ZNF704: variants seen among roughly 807,000 people sequenced by gnomAD.
The protein encoded by ZNF704 is glucocorticoid induced gene 1.
In ZNF704, 10 loss-of-function variants were observed where a neutral mutation model predicts 44.7. The ratio of observed to expected loss-of-function variants is 0.22; its 90% CI spans 0.14 to 0.38. ZNF704 has a LOEUF of 0.38. Ranked by LOEUF, ZNF704 falls within the 10% of genes least tolerant of loss-of-function variation. ZNF704 has a pLI of 1.00. For missense variants in ZNF704, 390 were observed against 545.5 expected, an observed-to-expected ratio of 0.71 and a Z score of 2.84; for synonymous variants, 211 against 207.6, an observed-to-expected ratio of 1.02 and a Z score of -0.14.
rs574875227 is a variant in ZNF704, at chr8:80,860,141, CTG to C, written c.-22+14428_-22+14429del. Among the ~76,000 whole-genome samples, 260 of 152,308 alleles carry C rather than the reference CTG, an allele frequency of 1.7e-3. 1 individual carries two copies. The highest frequency in any genetic ancestry group is 6.0e-3 in the African/African-American group (250 of 41,548). On this transcript the variant is annotated intron_variant, in intron 1 of 8. Transcript: ENST00000327835. The stretch of plus-strand genomic sequence containing the variant: ...CTTAACCTTTCAAACCTCTGTACTT[CTG>C]TGTGGCTTTCAGATAAAACTGTAAA...
chr8:80,853,278 G>C (rs1808901105), intron 1 of ZNF704, among the ~76,000 whole-genome samples: 1 of 152,168 alleles, frequency 6.6e-6, no homozygotes, highest in South Asian at 2.1e-4. Context: ...GGTGGTGGGA[G>C]GGCCGCTTGG....
intron 2 of ZNF704, among the ~76,000 whole-genome samples, chr8:80,780,170 A>G (rs981186599): frequency 1.3e-5 from 2 of 152,212 alleles, no homozygotes; most frequent in Admixed American, 1.3e-4. Context: ...CAAGTGGCAC[A>G]GTGTGGCTGG....
rs754952425 is a variant in ZNF704 at position 80,821,618 on chromosome 8, G to A, written c.-21-3C>T. On this transcript the variant is annotated splice_polypyrimidine_tract_variant and splice_region_variant and intron_variant, in intron 1 of 8. Transcript: ENST00000327835. The stretch of plus-strand genomic sequence containing the variant: ...ATTTCCCGCTTAATGCTCCCCACCT[G>A]TGAAATGAAACACAGAAATTCTTAC... The A allele has an allele frequency of 2.5e-6, 4 of 1,606,624 alleles. No homozygotes were observed. In the South Asian group the frequency reaches 4.4e-5, roughly 18 times the overall value.
intron 2 of ZNF704, among the ~76,000 whole-genome samples, chr8:80,765,469 C>T (rs1037446983): frequency 6.6e-6 from 1 of 152,172 alleles, no homozygotes; most frequent in Non-Finnish European, 1.5e-5. Flanking sequence ...CAACTTGGCA[C>T]CCAAACCCAC....
chr8:80,785,442 C>T (rs1807597721), intron 2 of ZNF704, among the ~76,000 whole-genome samples: 1 of 152,138 alleles, frequency 6.6e-6, no homozygotes, highest in Non-Finnish European at 1.5e-5. Context: ...GGGTTATGTT[C>T]TACTTCCTTG....
intron 2 of ZNF704, among the ~76,000 whole-genome samples, chr8:80,760,262 TCA>T (rs1807105526): frequency 6.6e-6 from 1 of 152,316 alleles, no homozygotes; most frequent in Admixed American, 6.5e-5. Flanking sequence ...TCTCCAAAAT[TCA>T]CAGATTGGAA....
intron 1 of ZNF704, among the ~76,000 whole-genome samples, chr8:80,864,476 T>A (rs1809120137): frequency 6.6e-6 from 1 of 152,190 alleles, no homozygotes; most frequent in Non-Finnish European, 1.5e-5. Flanking sequence ...TACATGTGTG[T>A]GTTATATTAC....
chr8:80,856,520 CAT>C (rs2130021204), intron 1 of ZNF704, among the ~76,000 whole-genome samples: 1 of 152,154 alleles, frequency 6.6e-6, no homozygotes, highest in African/African-American at 2.4e-5. Flanking sequence ...ATCTATGATC[CAT>C]TTTTAAATAA....
At position 80,629,846 on chromosome 8, in the gene ZNF704, T is replaced by C. The variant is rs1817555548; in HGVS notation, c.*11520A>G. 1 of 152,224 alleles carries C rather than the reference T, an allele frequency of 6.6e-6. No homozygotes were observed. Among genetic ancestry groups the C allele is most frequent in the Admixed American group, 6.5e-5 (1 of 15,288 alleles). The allele number at this position is 152,224 out of a possible 1,614,324, so 9.4% of individuals were successfully genotyped here. On this transcript the variant is annotated 3_prime_UTR_variant, in exon 9 of 9. Coordinates refer to ENST00000327835, the MANE Select transcript of ZNF704 (RefSeq NM_001033723.3). ...GAAATATTCGTTCACTTCATGCAGT[T>C]TTGTTTGCTTGTTAATCCAGTGTTA...
At chr8:80,693,340 A>G (rs1425484832) in intron 2 of ZNF704, among the ~76,000 whole-genome samples, 1 of 152,226 alleles carries the variant, frequency 6.6e-6, no homozygotes, top group Non-Finnish European at 1.5e-5. Flanking sequence ...TTCATCTAAC[A>G]ACTGTTCATT....
chr8:80,782,469 T>C (rs1243068896), intron 2 of ZNF704, among the ~76,000 whole-genome samples: 1 of 152,174 alleles, frequency 6.6e-6, no homozygotes, highest in East Asian at 1.9e-4. Context: ...GCTGCTGAAG[T>C]ACTTAATATA....
At chr8:80,881,806 T>TA in the ZNF704 span, among the ~76,000 whole-genome samples, 1 of 152,134 alleles carries the variant, frequency 6.6e-6, no homozygotes, top group Non-Finnish European at 1.5e-5. Context: ...TGGGCACCTG[T>TA]AATCCCAGCT....
At chr8:80,873,865 C>T (rs1809306827) in intron 1 of ZNF704, among the ~76,000 whole-genome samples, 1 of 146,058 alleles carries the variant, frequency 6.8e-6, no homozygotes, top group Non-Finnish European at 1.5e-5. Context: ...GCGGCGGCGG[C>T]GGCAGCGGCG....
At chr8:80,687,122 A>G (rs1818550958) in intron 4 of ZNF704, 104 bp downstream of exon 4, 4 of 905,468 alleles carry the variant, frequency 4.4e-6, no homozygotes, top group Non-Finnish European at 6.9e-6. Context: ...CTTTCCACAG[A>G]AAGGGGGTGT....
Position 80,639,516 on chromosome 8 carries a change from T to G in ZNF704, c.*1850A>C, listed in dbSNP as rs1314220791. 6.6e-6 allele frequency: 1 copy of G among 152,202 alleles called. No homozygotes were observed. The highest frequency in any genetic ancestry group is 2.4e-5 in the African/African-American group (1 of 41,452). The allele number at this position is 152,202 out of a possible 1,614,324, so 9.4% of individuals were successfully genotyped here. A position where few individuals can be genotyped will look rare whatever the true frequency, so the allele number is the denominator to read the frequency against. On this transcript the variant is annotated 3_prime_UTR_variant, in exon 9 of 9. Coordinates refer to ENST00000327835, the MANE Select transcript of ZNF704 (RefSeq NM_001033723.3). Reference sequence around the variant, plus strand: ...CTGATTGGTAATCAAGATGCAAAATTAGATGAAGCTCTTTTTCTCTTCTCT... The same window carrying G: ...CTGATTGGTAATCAAGATGCAAAATGAGATGAAGCTCTTTTTCTCTTCTCT...
At position 80,639,549 on chromosome 8, in the gene ZNF704, A is replaced by C. The variant is rs1817711489; in HGVS notation, c.*1817T>G. The C allele has an allele frequency of 6.6e-6, 1 of 152,250 alleles. No individual in the cohort carries two copies. The highest frequency in any genetic ancestry group is 2.4e-5 in the African/African-American group (1 of 41,472). The allele number at this position is 152,250 out of a possible 1,614,324, so 9.4% of individuals were successfully genotyped here. On this transcript the variant is annotated 3_prime_UTR_variant, in exon 9 of 9. Coordinates refer to ENST00000327835, the MANE Select transcript of ZNF704 (RefSeq NM_001033723.3). Reference sequence around the variant, plus strand: ...GCTCTTTTTCTCTTCTCTTAAAATAAATGTTTTTAAAGAAAAAAATAAATG... The same window carrying C: ...GCTCTTTTTCTCTTCTCTTAAAATACATGTTTTTAAAGAAAAAAATAAATG...
At chr8:80,826,493 G>GTCTT (rs1808378509) in intron 1 of ZNF704, among the ~76,000 whole-genome samples, 1 of 149,598 alleles carries the variant, frequency 6.7e-6, no homozygotes, top group South Asian at 2.1e-4. Context: ...TCTACCAGAG[G>GTCTT]TACAAAGAGG....
intron 2 of ZNF704, among the ~76,000 whole-genome samples, chr8:80,780,971 T>G (rs1807512525): frequency 1.3e-5 from 2 of 152,184 alleles, no homozygotes; most frequent in South Asian, 4.1e-4. Context: ...TGGAGAGAAG[T>G]GCTTAGAAAC....
chr8:80,663,366 C>CAA (rs113981733), intron 6 of ZNF704, among the ~76,000 whole-genome samples: 11 of 96,498 alleles, frequency 1.1e-4, no homozygotes, highest in African/African-American at 9.6e-5. Context: ...GACCCTGTCT[C>CAA]AAAAAAAAAA....
Sources: allele counts gnomAD v4.1 joint callset (sites outside exome capture counted in the v4.1 genomes callset), GRCh38; gene constraint gnomAD v4.1.1; transcripts MANE v1.5; gene names NCBI Gene and HGNC (gene_info 2026-07-23, HGNC 2026-07-21).